Variants in SHTN1 observed in about 807,000 individuals in gnomAD.
The protein encoded by SHTN1 is shootin-1.
In SHTN1, 42 loss-of-function variants were observed where a neutral mutation model predicts 83.1. The ratio of observed to expected loss-of-function variants is 0.51; its 90% CI spans 0.39 to 0.65. The LOEUF is 0.65. Among genes scored for constraint, SHTN1 ranks in the 30% least tolerant of loss-of-function variants. SHTN1 has a pLI of 0.00. For missense variants in SHTN1, 622 were observed against 737.8 expected (o/e 0.84, Z 1.82); for synonymous variants, 224 against 247.7 (o/e 0.90, Z 0.90).
intron 1 of SHTN1, among the ~76,000 whole-genome samples, chr10:116,993,148 T>A (rs1483116060): frequency 6.6e-6 from 1 of 151,514 alleles, no homozygotes; most frequent in African/African-American, 2.4e-5. Flanking sequence ...CCCAAGTAGC[T>A]GGGACTACAG....
At chr10:117,098,396 CAAAAAAA>C (rs11321262) in intron 1 of SHTN1, among the ~76,000 whole-genome samples, 2 of 61,068 alleles carry the variant, frequency 3.3e-5, no homozygotes, top group Non-Finnish European at 3.2e-5. Flanking sequence ...CACTCCGTCT[CAAAAAAA>C]AAAAAAAAAA....
chr10:116,979,703 C>T (rs1316658469), intron 1 of SHTN1, among the ~76,000 whole-genome samples: 1 of 152,220 alleles, frequency 6.6e-6, no homozygotes, highest in Non-Finnish European at 1.5e-5. Flanking sequence ...AGATGACAAG[C>T]AATTTCTCCT....
intron 8 of SHTN1, among the ~76,000 whole-genome samples, chr10:116,942,273 C>T (rs1849404206): frequency 6.6e-6 from 1 of 151,090 alleles, no homozygotes; most frequent in Admixed American, 6.6e-5. Context: ...AGTGCAGTGG[C>T]ACAATCTCGG....
intron 14 of SHTN1, among the ~76,000 whole-genome samples, chr10:116,911,295 G>A (rs1018543886): frequency 6.6e-6 from 1 of 152,074 alleles, no homozygotes; most frequent in African/African-American, 2.4e-5. Flanking sequence ...ATAAAAAAAG[G>A]GCCTCTTATT....
At chr10:116,989,249 G>A (rs1206998530) in intron 1 of SHTN1, among the ~76,000 whole-genome samples, 1 of 152,016 alleles carries the variant, frequency 6.6e-6, no homozygotes, top group African/African-American at 2.4e-5. Flanking sequence ...TAAAATTAAT[G>A]GACTAATATT....
At chr10:116,990,248 CTTTG>C (rs1361636302) in intron 1 of SHTN1, among the ~76,000 whole-genome samples, 1 of 146,422 alleles carries the variant, frequency 6.8e-6, no homozygotes, top group Non-Finnish European at 1.5e-5. Flanking sequence ...CAGAAAAGGC[CTTTG>C]TTTTTCTTGT....
chr10:116,930,142 A>C, intron 9 of SHTN1, 140 bp from the exon 10 acceptor site: 1 of 522,170 alleles, frequency 1.9e-6, no homozygotes. Flanking sequence ...CAACCATGCA[A>C]ATGCTAGATA....
chr10:117,045,446 C>A (rs1852647130), intron 2 of SHTN1, among the ~76,000 whole-genome samples: 1 of 152,126 alleles, frequency 6.6e-6, no homozygotes, highest in African/African-American at 2.4e-5. Context: ...ATCTTACCAC[C>A]ACATCTACAT....
chr10:116,964,357 C>A (rs928072489), intron 3 of SHTN1, among the ~76,000 whole-genome samples: 1 of 152,164 alleles, frequency 6.6e-6, no homozygotes, highest in Non-Finnish European at 1.5e-5. Context: ...ATAACATATT[C>A]CAAATCACAG....
intron 2 of SHTN1, among the ~76,000 whole-genome samples, chr10:117,025,350 A>C (rs1278755016): frequency 6.6e-6 from 1 of 152,208 alleles, no homozygotes; most frequent in Non-Finnish European, 1.5e-5. Flanking sequence ...CATTAAAGCC[A>C]GCCCTGGGCA....
chr10:116,948,858 A>G (rs764986551), intron 7 of SHTN1, 58 bp downstream of exon 7: 8 of 1,202,668 alleles, frequency 6.7e-6, no homozygotes, highest in Non-Finnish European at 9.0e-6. Context: ...GACACACAAT[A>G]TATGCAAACA....
At chr10:116,998,894 A>G (rs1268211531) in intron 1 of SHTN1, among the ~76,000 whole-genome samples, 2 of 152,210 alleles carry the variant, frequency 1.3e-5, no homozygotes, top group African/African-American at 4.8e-5. Flanking sequence ...GCAAGAAAAT[A>G]TATGTATATA....
chr10:116,933,013 G>A (rs926522722), intron 9 of SHTN1, among the ~76,000 whole-genome samples: 2 of 151,918 alleles, frequency 1.3e-5, no homozygotes, highest in Non-Finnish European at 2.9e-5. Context: ...CTCTTTTCTT[G>A]AAAAGGTAAT....
intron 1 of SHTN1, among the ~76,000 whole-genome samples, chr10:117,053,391 T>C (rs904034295): frequency 2.0e-5 from 3 of 152,106 alleles, no homozygotes; most frequent in Non-Finnish European, 4.4e-5. Context: ...AACTAGAATA[T>C]ATAATACTTT....
At chr10:117,125,152 C>G (rs1004851169) in intron 1 of SHTN1, among the ~76,000 whole-genome samples, 9 of 152,178 alleles carry the variant, frequency 5.9e-5, no homozygotes, top group Non-Finnish European at 1.2e-4. Context: ...GATCAGCATA[C>G]TTTTCCACGG....
chr10:116,921,156 T>C (rs1193304701), intron 12 of SHTN1, among the ~76,000 whole-genome samples: 1 of 152,140 alleles, frequency 6.6e-6, no homozygotes, highest in Non-Finnish European at 1.5e-5. Flanking sequence ...TCATTTGGAA[T>C]TACTCCCTCT....
Position 116,881,559 on chromosome 10 carries a change from GA to G in SHTN1, c.*4784del. ...TTTTTTTTACTTTAATGAGGAAGCTGAAAAGGCTGCGGAGGCACTTGAGGCT... is the reference window on the plus strand; with the variant it reads ...TTTTTTTTACTTTAATGAGGAAGCTGAAAGGCTGCGGAGGCACTTGAGGCT... On this transcript the variant is annotated 3_prime_UTR_variant, in exon 17 of 17. Coordinates refer to ENST00000355371, the MANE Select transcript of SHTN1 (RefSeq NM_001127211.3). The G allele has an allele frequency of 6.5e-7, 1 of 1,548,644 alleles. No homozygotes were observed.
intron 1 of SHTN1, among the ~76,000 whole-genome samples, chr10:117,074,361 T>A (rs1386926747): frequency 6.6e-6 from 1 of 152,182 alleles, no homozygotes; most frequent in Non-Finnish European, 1.5e-5. Flanking sequence ...ATTCTTCTCA[T>A]TCATCAGTAC....
chr10:117,049,388 C>CA (rs1002382874), intron 1 of SHTN1, among the ~76,000 whole-genome samples: 10 of 151,408 alleles, frequency 6.6e-5, no homozygotes, highest in African/African-American at 2.4e-4. Context: ...ACAAAAAAAA[C>CA]AAAAAACCTC....
Sources: allele counts gnomAD v4.1 joint callset (sites outside exome capture counted in the v4.1 genomes callset), GRCh38; gene constraint gnomAD v4.1.1; transcripts MANE v1.5; gene names NCBI Gene and HGNC (gene_info 2026-07-23, HGNC 2026-07-21).